WWC2: variants seen among roughly 807,000 people sequenced by gnomAD.
WWC2 encodes WW and C2 domain containing 2.
Under a neutral mutation model 138.5 loss-of-function variants are expected in WWC2, and 101 were observed. The observed-to-expected ratio is 0.73, with a 90% CI of 0.62 to 0.86. WWC2 has a LOEUF of 0.86. Among genes scored for constraint, WWC2 ranks in the 40% least tolerant of loss-of-function variants. WWC2 has a pLI of 0.00. For synonymous variants in WWC2, 558 were observed against 538.4 expected (o/e 1.04, Z -0.50); for missense variants, 1,420 against 1,419.4 (o/e 1.00, Z -0.01).
intron 9 of WWC2, among the ~76,000 whole-genome samples, chr4:183,256,785 C>T (rs1337164329): frequency 1.3e-5 from 2 of 150,518 alleles, no homozygotes; most frequent in African/African-American, 4.9e-5. Flanking sequence ...CCCATTATTT[C>T]AGGGGTGACC....
chr4:183,311,760 G>A (rs1005123601), intron 21 of WWC2, among the ~76,000 whole-genome samples: 1 of 151,866 alleles, frequency 6.6e-6, no homozygotes, highest in Non-Finnish European at 1.5e-5. Context: ...TATATTTTTA[G>A]TAGAGACGGG....
At chr4:183,217,410 A>T (rs547494532) in intron 4 of WWC2, among the ~76,000 whole-genome samples, 109 of 152,330 alleles carry the variant, frequency 7.2e-4, no homozygotes, top group African/African-American at 2.6e-3. Flanking sequence ...TATGCTAGTT[A>T]TACATCAATA....
At chr4:183,202,603 G>A (rs1469542308) in intron 2 of WWC2, among the ~76,000 whole-genome samples, 5 of 152,086 alleles carry the variant, frequency 3.3e-5, no homozygotes, top group African/African-American at 1.2e-4. Flanking sequence ...GGAGCAGAGT[G>A]GATATAATTT....
At chr4:183,122,531 A>AT (rs962596628) in intron 1 of WWC2, among the ~76,000 whole-genome samples, 9 of 151,678 alleles carry the variant, frequency 5.9e-5, no homozygotes, top group Non-Finnish European at 1.0e-4. Flanking sequence ...ATTTTATTTT[A>AT]TTTTTTTTGT....
At chr4:183,151,857 T>C (rs1561437830) in intron 1 of WWC2, among the ~76,000 whole-genome samples, 1 of 152,226 alleles carries the variant, frequency 6.6e-6, no homozygotes, top group African/African-American at 2.4e-5. Context: ...TGTAGATGTG[T>C]GGTGTTATTT....
At chr4:183,172,559 T>TG (rs1467629678) in intron 1 of WWC2, among the ~76,000 whole-genome samples, 1 of 148,690 alleles carries the variant, frequency 6.7e-6, no homozygotes, top group African/African-American at 2.5e-5. Context: ...GTTTCTTGTT[T>TG]TTTTTTTTTT....
intron 1 of WWC2, among the ~76,000 whole-genome samples, chr4:183,176,534 T>C (rs1734472863): frequency 6.6e-6 from 1 of 152,126 alleles, no homozygotes; most frequent in Admixed American, 6.5e-5. Flanking sequence ...GTGATTCTCC[T>C]GCCTCAGCCT....
chr4:183,170,949 T>C (rs1734261204), intron 1 of WWC2, among the ~76,000 whole-genome samples: 1 of 152,104 alleles, frequency 6.6e-6, no homozygotes, highest in South Asian at 2.1e-4. Context: ...TATTATGACA[T>C]TTAGAAAAAG....
At chr4:183,153,954 TG>T (rs1200420701) in intron 1 of WWC2, among the ~76,000 whole-genome samples, 2 of 126,708 alleles carry the variant, frequency 1.6e-5, no homozygotes, top group African/African-American at 6.4e-5. Flanking sequence ...CAAACAGTCA[TG>T]ATTAGTGGAC....
intron 15 of WWC2, among the ~76,000 whole-genome samples, chr4:183,270,668 G>A (rs770819705): frequency 4.6e-5 from 7 of 152,122 alleles, no homozygotes; most frequent in Non-Finnish European, 1.0e-4. Context: ...GGAGGCTGAG[G>A]TAGGAGAATC....
At chr4:183,307,571 T>C (rs959589555) in intron 21 of WWC2, among the ~76,000 whole-genome samples, 2 of 152,158 alleles carry the variant, frequency 1.3e-5, no homozygotes, top group African/African-American at 2.4e-5. Context: ...TCCAACTATA[T>C]AGAAAAAGAA....
intron 1 of WWC2, among the ~76,000 whole-genome samples, chr4:183,145,524 A>G (rs370928145): frequency 2.0e-5 from 3 of 152,192 alleles, no homozygotes; most frequent in Non-Finnish European, 2.9e-5. Flanking sequence ...TTGCTAGGGA[A>G]TGGGTTGGGC....
At chr4:183,278,091 T>G (rs1049318732) in intron 16 of WWC2, among the ~76,000 whole-genome samples, 1 of 152,160 alleles carries the variant, frequency 6.6e-6, no homozygotes, top group Admixed American at 6.5e-5. Context: ...GGTTTTCTTC[T>G]AGGGTTTTTA....
intron 16 of WWC2, among the ~76,000 whole-genome samples, chr4:183,278,896 T>C (rs1737963307): frequency 6.6e-6 from 1 of 151,234 alleles, no homozygotes; most frequent in Non-Finnish European, 1.5e-5. Context: ...AGTGGGGTTT[T>C]CTAGATATAC....
At chr4:183,285,106 A>G (rs1236938839) in intron 19 of WWC2, among the ~76,000 whole-genome samples, 1 of 152,214 alleles carries the variant, frequency 6.6e-6, no homozygotes, top group Non-Finnish European at 1.5e-5. Flanking sequence ...ATTCCTGTGA[A>G]TCGAGCCAGA....
chr4:183,114,668 C>CTTT (rs72193297), intron 1 of WWC2, among the ~76,000 whole-genome samples: 1 of 148,072 alleles, frequency 6.8e-6, no homozygotes, highest in Non-Finnish European at 1.5e-5. Context: ...TGGAACATAC[C>CTTT]TTTTTTTTTT....
At chr4:183,281,720 G>A (rs1738082923) in intron 17 of WWC2, among the ~76,000 whole-genome samples, 1 of 152,082 alleles carries the variant, frequency 6.6e-6, no homozygotes, top group Admixed American at 6.6e-5. Flanking sequence ...CTACTGTGAT[G>A]TAAAAAGATA....
intron 4 of WWC2, among the ~76,000 whole-genome samples, chr4:183,222,449 G>T (rs914645047): frequency 7.9e-5 from 12 of 151,596 alleles, no homozygotes; most frequent in Non-Finnish European, 1.6e-4. Flanking sequence ...AAAATATCTA[G>T]AATTAACTTT....
intron 2 of WWC2, among the ~76,000 whole-genome samples, chr4:183,202,141 C>T (rs1374830943): frequency 2.6e-5 from 4 of 151,974 alleles, no homozygotes; most frequent in Non-Finnish European, 4.4e-5. Flanking sequence ...TGAATAATTT[C>T]GGCAGACTCT....
Sources: gnomAD v4.1 joint callset for allele counts (sites outside exome capture counted in the v4.1 genomes callset) on GRCh38, gnomAD v4.1.1 for gene constraint, MANE v1.5 for transcripts, NCBI Gene and HGNC (gene_info 2026-07-23, HGNC 2026-07-21) for gene names.